The following ZNF69 variants were observed in gnomAD, a reference collection of about 807,000 sequenced individuals.
The protein encoded by ZNF69 is ZNF3.
ZNF69 carries 47 observed loss-of-function variants against 50.9 expected under a neutral mutation model. The observed-to-expected ratio is 0.92, with a 90% CI of 0.73 to 1.18. The LOEUF (loss-of-function observed/expected upper bound fraction) is 1.18, where lower values mean the gene tolerates loss of function less well. ZNF69 is among the 50% of genes most tolerant of loss of function. The pLI is 0.00. For missense variants in ZNF69, 717 were observed against 675.1 expected (o/e 1.06, Z -0.69); for synonymous variants, 216 against 223.1 (o/e 0.97, Z 0.29).
chr19:11,925,206 G>A, the ZNF69 span: 470 of 1,612,526 alleles, frequency 2.9e-4, 4 homozygotes, highest in African/African-American at 5.8e-3. Context: ...TCTGTCGCCT[G>A]CGCTATGCCC....
the ZNF69 span, among the ~76,000 whole-genome samples, chr19:11,928,333 T>C: frequency 6.6e-6 from 1 of 152,180 alleles, no homozygotes; most frequent in Non-Finnish European, 1.5e-5. Context: ...CCCCCAGAGC[T>C]TGTTTTCTTT....
At chr19:11,970,894 G>T in the ZNF69 span, among the ~76,000 whole-genome samples, 2 of 152,078 alleles carry the variant, frequency 1.3e-5, no homozygotes, top group Non-Finnish European at 2.9e-5. Flanking sequence ...TCCCGCCTTT[G>T]CCCTCCAGCC....
chr19:11,889,017 G>C (rs1482093571), intron 1 of ZNF69, among the ~76,000 whole-genome samples: 1 of 152,108 alleles, frequency 6.6e-6, no homozygotes, highest in African/African-American at 2.4e-5. Flanking sequence ...CCTGTGGAAG[G>C]GGGGTTAGAA....
chr19:11,965,262 C>T, the ZNF69 span: 1 of 1,612,112 alleles, frequency 6.2e-7, no homozygotes, highest in Non-Finnish European at 8.5e-7. Context: ...CTGCCTGGAA[C>T]CGGCCGGAAC....
intron 1 of ZNF69, among the ~76,000 whole-genome samples, chr19:11,895,569 T>C (rs1267369664): frequency 6.6e-6 from 1 of 152,162 alleles, no homozygotes; most frequent in Non-Finnish European, 1.5e-5. Context: ...TATCTAGCTG[T>C]CCCACAGGGA....
At chr19:11,952,433 A>G in the ZNF69 span, among the ~76,000 whole-genome samples, 2 of 152,206 alleles carry the variant, frequency 1.3e-5, no homozygotes, top group Non-Finnish European at 2.9e-5. Flanking sequence ...TCTTTCTCTG[A>G]TAATGTGCTG....
the ZNF69 span, among the ~76,000 whole-genome samples, chr19:11,957,241 G>A: frequency 4.0e-5 from 6 of 151,780 alleles, no homozygotes; most frequent in South Asian, 4.2e-4. Flanking sequence ...ACAGGCGCCC[G>A]CCACCATGCC....
chr19:11,894,807 T>C (rs776400417), intron 1 of ZNF69, among the ~76,000 whole-genome samples: 15 of 152,076 alleles, frequency 9.9e-5, no homozygotes, highest in Admixed American at 1.3e-4. Flanking sequence ...GGTCAGCCAG[T>C]TGGATGGTGC....
chr19:11,959,238 G>T, the ZNF69 span, among the ~76,000 whole-genome samples: 26 of 152,172 alleles, frequency 1.7e-4, no homozygotes, highest in Non-Finnish European at 1.5e-5. Context: ...TAATTAGCTG[G>T]TTGGAACCTT....
the ZNF69 span, among the ~76,000 whole-genome samples, chr19:11,959,962 A>G: frequency 2.7e-5 from 4 of 149,130 alleles, no homozygotes; most frequent in African/African-American, 9.9e-5. Flanking sequence ...CATTTTTCCT[A>G]TATGATCTTT....
the ZNF69 span, among the ~76,000 whole-genome samples, chr19:11,931,248 C>A: frequency 6.8e-6 from 1 of 148,026 alleles, no homozygotes; most frequent in Admixed American, 6.6e-5. Context: ...AGTCCATCTT[C>A]AGAGAGCTGG....
intron 1 of ZNF69, 23 bp downstream of exon 1, chr19:11,888,009 C>T (rs1017362007): frequency 5.0e-6 from 8 of 1,606,874 alleles, no homozygotes; most frequent in Non-Finnish European, 5.1e-6. Flanking sequence ...GGCCGGGTGT[C>T]GTGAGACGGG....
chr19:11,945,726 A>T, the ZNF69 span, among the ~76,000 whole-genome samples: 251 of 151,894 alleles, frequency 1.7e-3, 3 homozygotes, highest in African/African-American at 5.7e-3. Flanking sequence ...CTCCTGGGGG[A>T]CAGTAAGGGC....
At chr19:11,920,329 T>G in the ZNF69 span, among the ~76,000 whole-genome samples, 13 of 152,044 alleles carry the variant, frequency 8.6e-5, no homozygotes, top group Admixed American at 8.5e-4. Flanking sequence ...GCCAGGCTGG[T>G]CTTGAACTCT....
the ZNF69 span, among the ~76,000 whole-genome samples, chr19:11,947,827 G>T: frequency 5.9e-5 from 9 of 152,114 alleles, no homozygotes; most frequent in Non-Finnish European, 1.2e-4. Context: ...GCAACATAAC[G>T]AGACCACATA....
chr19:11,947,687 C>A, the ZNF69 span: 1 of 1,082,880 alleles, frequency 9.2e-7, no homozygotes, highest in Non-Finnish European at 1.4e-6. Context: ...TTCATTTCTT[C>A]TTAGAATATT....
chr19:11,920,462 T>C, the ZNF69 span, among the ~76,000 whole-genome samples: 39 of 152,172 alleles, frequency 2.6e-4, no homozygotes, highest in Non-Finnish European at 4.6e-4. Context: ...TTTAATAAAA[T>C]AGAGACTAGT....
chr19:11,965,273 C>G, the ZNF69 span: 21 of 1,609,744 alleles, frequency 1.3e-5, no homozygotes, highest in Non-Finnish European at 1.7e-5. Flanking sequence ...CGGCCGGAAC[C>G]GGCTGCGGCG....
At chr19:11,896,443 G>T (rs979490409) in intron 1 of ZNF69, among the ~76,000 whole-genome samples, 1 of 151,888 alleles carries the variant, frequency 6.6e-6, no homozygotes, top group African/African-American at 2.4e-5. Context: ...TTTATTTCTG[G>T]CAGTTCTTGA....
Sources: allele counts gnomAD v4.1 joint callset (sites outside exome capture counted in the v4.1 genomes callset), GRCh38; gene constraint gnomAD v4.1.1; transcripts MANE v1.5; gene names NCBI Gene and HGNC (gene_info 2026-07-23, HGNC 2026-07-21).